RALYL: variants seen among roughly 807,000 people sequenced by gnomAD.
The protein encoded by RALYL is RNA-binding Raly-like protein.
A neutral mutation model predicts 35.1 loss-of-function variants in RALYL; 29 were observed. The observed-to-expected ratio is 0.83, with a 90% confidence interval of 0.61 to 1.13. The LOEUF (loss-of-function observed/expected upper bound fraction) is 1.13, where lower values mean the gene tolerates loss of function less well. Ranked by LOEUF, RALYL falls within the 50% of genes most tolerant of loss-of-function variation. The pLI is 0.00. For synonymous variants in RALYL, 120 were observed against 127.6 expected (o/e 0.94, Z 0.40); for missense variants, 359 against 360.4 (o/e 1.00, Z 0.03).
chr8:84,670,953 A>C (rs1833089916), intron 2 of RALYL, among the ~76,000 whole-genome samples: 1 of 152,218 alleles, frequency 6.6e-6, no homozygotes, highest in Non-Finnish European at 1.5e-5. Flanking sequence ...CACAGTTCAA[A>C]GTCTCATCTG....
intron 1 of RALYL, among the ~76,000 whole-genome samples, chr8:84,508,873 T>C (rs1015221848): frequency 5.9e-5 from 9 of 152,204 alleles, no homozygotes; most frequent in Admixed American, 5.2e-4. Flanking sequence ...CAAAAAGTCG[T>C]GTATATTTTT....
chr8:84,388,177 C>A (rs558924505), intron 1 of RALYL, among the ~76,000 whole-genome samples: 1,555 of 152,032 alleles, frequency 0.01, 20 homozygotes, highest in Non-Finnish European at 0.013. Context: ...TGAACTCATC[C>A]TTTTTTATGG....
intron 1 of RALYL, among the ~76,000 whole-genome samples, chr8:84,276,708 T>C (rs1212597600): frequency 6.6e-6 from 1 of 152,154 alleles, no homozygotes; most frequent in Non-Finnish European, 1.5e-5. Flanking sequence ...AAGGAGGAGA[T>C]GAGTGCTAAA....
At chr8:84,514,641 A>G (rs374893247) in intron 1 of RALYL, among the ~76,000 whole-genome samples, 9 of 152,292 alleles carry the variant, frequency 5.9e-5, no homozygotes, top group African/African-American at 2.2e-4. Flanking sequence ...ATCACCTCCT[A>G]AAGGACACAC....
intron 2 of RALYL, among the ~76,000 whole-genome samples, chr8:84,724,060 G>A (rs952456789): frequency 2.0e-5 from 3 of 151,730 alleles, no homozygotes; most frequent in Non-Finnish European, 4.4e-5. Flanking sequence ...AATGAATTCA[G>A]TAATATTGTT....
intron 2 of RALYL, among the ~76,000 whole-genome samples, chr8:84,639,577 T>G (rs1161692339): frequency 6.6e-6 from 1 of 151,976 alleles, no homozygotes; most frequent in Non-Finnish European, 1.5e-5. Flanking sequence ...CCATTCAGTC[T>G]GCTGGGGGAC....
At chr8:84,890,643 T>C (rs1206541207) in intron 8 of RALYL, among the ~76,000 whole-genome samples, 3 of 152,272 alleles carry the variant, frequency 2.0e-5, no homozygotes, top group Middle Eastern at 3.4e-3. Flanking sequence ...ATTTGTAACA[T>C]GTTCCTAAAT....
chr8:84,720,362 A>G (rs995531479), intron 2 of RALYL, among the ~76,000 whole-genome samples: 13 of 152,172 alleles, frequency 8.5e-5, no homozygotes, highest in African/African-American at 3.1e-4. Flanking sequence ...ACTTACAGCC[A>G]ACTGATTTTT....
intron 1 of RALYL, among the ~76,000 whole-genome samples, chr8:84,285,060 A>G (rs1436719902): frequency 6.6e-6 from 1 of 152,132 alleles, no homozygotes; most frequent in African/African-American, 2.4e-5. Context: ...GAGAATTATG[A>G]TTGTATATGA....
chr8:84,473,928 ATTCT>A (rs1167822403), intron 1 of RALYL, among the ~76,000 whole-genome samples: 1 of 152,006 alleles, frequency 6.6e-6, no homozygotes, highest in Non-Finnish European at 1.5e-5. Flanking sequence ...AAATTTTTAA[ATTCT>A]TTGTCTCAAA....
At chr8:84,324,745 G>A (rs536752050) in intron 1 of RALYL, among the ~76,000 whole-genome samples, 1 of 152,086 alleles carries the variant, frequency 6.6e-6, no homozygotes, top group Non-Finnish European at 1.5e-5. Context: ...CCACAGATTA[G>A]TGAAGGTAAA....
intron 1 of RALYL, among the ~76,000 whole-genome samples, chr8:84,236,416 C>G (rs1326067619): frequency 6.6e-6 from 1 of 152,122 alleles, no homozygotes; most frequent in African/African-American, 2.4e-5. Flanking sequence ...GCTAAATGAC[C>G]CTTCCCCACA....
intron 2 of RALYL, among the ~76,000 whole-genome samples, chr8:84,608,817 G>A (rs1035770802): frequency 2.6e-5 from 4 of 152,122 alleles, no homozygotes; most frequent in African/African-American, 9.7e-5. Flanking sequence ...GTTCAGTTTA[G>A]CTCAGCAGAA....
chr8:84,519,924 C>A (rs1418212057), intron 1 of RALYL, among the ~76,000 whole-genome samples: 2 of 152,172 alleles, frequency 1.3e-5, no homozygotes, highest in Non-Finnish European at 1.5e-5. Flanking sequence ...CGGCCCTCTG[C>A]CAAATATGAT....
chr8:84,285,152 G>A (rs190779529), intron 1 of RALYL, among the ~76,000 whole-genome samples: 59 of 152,222 alleles, frequency 3.9e-4, no homozygotes, highest in African/African-American at 1.3e-3. Flanking sequence ...TGGATGCTGC[G>A]CTAATGCCAA....
At chr8:84,184,837 G>A in intron 1 of RALYL, 2 of 792,790 alleles carry the variant, frequency 2.5e-6, no homozygotes, top group South Asian at 1.5e-5. Flanking sequence ...GCGGGCTAGA[G>A]GGGACCCTCA....
chr8:84,309,332 G>A (rs1842347841), intron 1 of RALYL, among the ~76,000 whole-genome samples: 1 of 151,532 alleles, frequency 6.6e-6, no homozygotes, highest in South Asian at 2.1e-4. Flanking sequence ...TGTAAAAACA[G>A]TCTTAATTAA....
intron 1 of RALYL, among the ~76,000 whole-genome samples, chr8:84,184,691 C>G (rs1281088904): frequency 1.3e-5 from 2 of 151,982 alleles, no homozygotes; most frequent in African/African-American, 4.8e-5. Flanking sequence ...CAGGTCGTCT[C>G]CCGGCGGGGC....
chr8:84,375,284 T>C (rs1377946526), intron 1 of RALYL, among the ~76,000 whole-genome samples: 2 of 151,814 alleles, frequency 1.3e-5, no homozygotes, highest in African/African-American at 4.8e-5. Context: ...CCACAAACAA[T>C]ACCCAATACT....
Sources: allele counts gnomAD v4.1 joint callset (sites outside exome capture counted in the v4.1 genomes callset), GRCh38; gene constraint gnomAD v4.1.1; transcripts MANE v1.5; gene names NCBI Gene and HGNC (gene_info 2026-07-23, HGNC 2026-07-21).